CFAP92: variants seen among roughly 807,000 people sequenced by gnomAD.
The protein encoded by CFAP92 is cilia and flagella associated protein 92 (putative), also known as uncharacterized protein CFAP92.
CFAP92 carries 86 observed loss-of-function variants against 106.3 expected under a neutral mutation model. That is an observed-to-expected ratio of 0.81 (90% CI 0.68 to 0.97). CFAP92 has a LOEUF of 0.97. Ranked by LOEUF, CFAP92 falls within the 50% of genes least tolerant of loss-of-function variation. CFAP92 has a pLI of 0.00. For synonymous variants in CFAP92, 477 were observed against 506.4 expected, an observed-to-expected ratio of 0.94 and a Z score of 0.78; for missense variants, 1,204 against 1,283.8, an observed-to-expected ratio of 0.94 and a Z score of 0.95.
At chr3:129,001,611 G>C in intron 1 of CFAP92, 1 of 1,354,926 alleles carries the variant, frequency 7.4e-7, no homozygotes, top group Non-Finnish European at 9.4e-7. Flanking sequence ...CCGGAGGAGC[G>C]AGGCGCGCGG....
In CFAP92 at chr3:128,976,999, C is replaced by T. The variant is rs761059935; in HGVS notation, c.876G>A (p.Met292Ile). The T allele has an allele frequency of 1.9e-6, 3 of 1,613,822 alleles. No individual in the cohort carries two copies. In the South Asian group the frequency reaches 3.3e-5, roughly 18 times the overall value. ...NSEEYEKSLK[M>I]DDSSTIQWSV... ...CTTACTGAATCGTGGAAGAATCGTC[C>T]ATTTTGAGGGACTTCTCATATTCCT... is the stretch of plus-strand genomic sequence containing the variant. Residue 292 changes from methionine (M) to isoleucine (I), a missense_variant, in exon 6 of 16, where the codon ATG becomes ATA. By Grantham distance (10) the Met-to-Ile change is conservative. Coordinates refer to ENST00000645291, the MANE Select transcript of CFAP92 (RefSeq NM_001394090.1).
the CFAP92 span, among the ~76,000 whole-genome samples, chr3:129,024,655 G>A: frequency 6.6e-6 from 1 of 152,162 alleles, no homozygotes; most frequent in Non-Finnish European, 1.5e-5. Flanking sequence ...CAGGGAAGAA[G>A]GTAGAAGAAC....
At chr3:128,931,432 G>C (rs2624910) in intron 12 of CFAP92, among the ~76,000 whole-genome samples, 64,976 of 149,260 alleles carry the variant, frequency 0.44, 16,523 homozygotes, top group African/African-American at 0.7. Context: ...TCCCAAAGTG[G>C]TATGAGATAT....
At chr3:128,964,860 C>T (rs1180636981) in intron 9 of CFAP92, among the ~76,000 whole-genome samples, 2 of 152,150 alleles carry the variant, frequency 1.3e-5, no homozygotes, top group African/African-American at 2.4e-5. Flanking sequence ...TGAGAAACAT[C>T]GCCCGTTCTC....
intron 10 of CFAP92, among the ~76,000 whole-genome samples, chr3:128,938,153 G>C (rs1340541478): frequency 6.6e-6 from 1 of 151,184 alleles, no homozygotes; most frequent in African/African-American, 2.4e-5. Flanking sequence ...GATTGCTTGA[G>C]GTGGGGGGGT....
intron 10 of CFAP92, among the ~76,000 whole-genome samples, chr3:128,943,907 G>A (rs1216005553): frequency 1.5e-5 from 2 of 130,512 alleles, no homozygotes; most frequent in Admixed American, 1.6e-4. Context: ...TAAACATTTG[G>A]GTTATTTCCC....
chr3:129,009,751 C>A, the CFAP92 span, among the ~76,000 whole-genome samples: 1 of 152,200 alleles, frequency 6.6e-6, no homozygotes, highest in Admixed American at 6.5e-5. Flanking sequence ...CCACCTGTGG[C>A]AGCTCAAGAC....
At chr3:128,986,277 T>C (rs1274914134) in intron 4 of CFAP92, among the ~76,000 whole-genome samples, 1 of 150,414 alleles carries the variant, frequency 6.6e-6, no homozygotes, top group East Asian at 2.0e-4. Flanking sequence ...TCTTGCTCCA[T>C]CACCCAGGCT....
chr3:128,921,042 A>G (rs924162884), intron 12 of CFAP92, among the ~76,000 whole-genome samples: 49 of 151,854 alleles, frequency 3.2e-4, no homozygotes, highest in African/African-American at 1.2e-3. Flanking sequence ...TTGATCACCA[A>G]TAAATAGTGT....
At chr3:128,967,030 A>G (rs553005855) in intron 8 of CFAP92, 1 of 152,352 alleles carries the variant, frequency 6.6e-6, no homozygotes, top group South Asian at 2.1e-4. Context: ...TCATGTGATA[A>G]GCTAGAGTCT....
At chr3:129,009,782 G>C in the CFAP92 span, among the ~76,000 whole-genome samples, 1 of 152,202 alleles carries the variant, frequency 6.6e-6, no homozygotes, top group African/African-American at 2.4e-5. Context: ...GAAGCCCCGG[G>C]AGGAAACCTG....
chr3:128,997,574 G>A (rs1944528082), upstream of CFAP92, among the ~76,000 whole-genome samples: 1 of 152,178 alleles, frequency 6.6e-6, no homozygotes, highest in Non-Finnish European at 1.5e-5. Flanking sequence ...TTCTGGCTTT[G>A]TGACTGGTTT....
chr3:128,953,625 C>CCCTCTCCCTCTCCCTCTCCCTCCG (rs1559891803), intron 9 of CFAP92, among the ~76,000 whole-genome samples: 1 of 126,134 alleles, frequency 7.9e-6, no homozygotes, highest in African/African-American at 4.0e-5. Context: ...CTCTCCCTCC[C>CCCTCTCCCTCTCCCTCTCCCTCCG]TCTCCGTCTC....
At position 128,915,155 on chromosome 3, in the gene CFAP92, C is replaced by T. The variant is rs770178427; in HGVS notation, c.3244G>A (p.Glu1082Lys). 4.6e-6 allele frequency: 7 copies of T among 1,536,086 alleles called. No individual in the cohort carries two copies. In the Admixed American group the frequency reaches 5.9e-5, roughly 13 times the overall value. Reference sequence around the variant, plus strand: ...TTTGGTGCGGGCGAAGGGAGCAGCTCGAGGAAAGGTGGTGGTTTCTTGTAC... The same window carrying T: ...TTTGGTGCGGGCGAAGGGAGCAGCTTGAGGAAAGGTGGTGGTTTCTTGTAC... ...DLYKKPPPFL[E>K]LLPSPAPKPV... is the part of the protein sequence containing the mutation. The change falls in exon 15 of 16, where the codon GAG becomes AAG. Residue 1082 changes from glutamate to lysine, a missense_variant. Transcript: ENST00000645291.
intron 2 of CFAP92, chr3:128,991,671 AT>A: frequency 1.5e-6 from 1 of 657,930 alleles, no homozygotes; most frequent in Non-Finnish European, 1.9e-6. Context: ...GGCTGACGCC[AT>A]TTTAGGCCTC....
chr3:128,979,320 A>C (rs1346984126), intron 4 of CFAP92, among the ~76,000 whole-genome samples: 2 of 152,198 alleles, frequency 1.3e-5, no homozygotes, highest in Non-Finnish European at 2.9e-5. Flanking sequence ...GGATGTGGAG[A>C]AATAGGAACA....
intron 2 of CFAP92, among the ~76,000 whole-genome samples, chr3:128,989,315 A>C (rs1944065946): frequency 6.9e-6 from 1 of 143,926 alleles, no homozygotes; most frequent in Non-Finnish European, 1.5e-5. Context: ...AAAAAATCAC[A>C]GTACAATGTG....
intron 1 of CFAP92, chr3:129,001,571 A>G: frequency 1.5e-6 from 2 of 1,346,820 alleles, no homozygotes; most frequent in Non-Finnish European, 1.9e-6. Context: ...CGCCCCTGGA[A>G]GTGGCGGGGC....
At chr3:129,009,464 C>A in the CFAP92 span, among the ~76,000 whole-genome samples, 1 of 152,206 alleles carries the variant, frequency 6.6e-6, no homozygotes, top group Non-Finnish European at 1.5e-5. Context: ...TCTGAACCAT[C>A]CCACTGAAGT....
Sources: allele counts gnomAD v4.1 joint callset (sites outside exome capture counted in the v4.1 genomes callset), GRCh38; gene constraint gnomAD v4.1.1; transcripts MANE v1.5; gene names NCBI Gene and HGNC (gene_info 2026-07-23, HGNC 2026-07-21).